Variants in STRA6 observed in about 807,000 individuals in gnomAD.
STRA6 encodes the protein receptor for retinol uptake STRA6.
Under a neutral mutation model 83.6 loss-of-function variants are expected in STRA6, and 48 were observed. That is an observed-to-expected ratio of 0.57 (90% CI 0.46 to 0.73). STRA6 has a LOEUF of 0.73. Ranked by LOEUF, STRA6 falls within the 30% of genes least tolerant of loss-of-function variation. The probability of loss-of-function intolerance (pLI) is 0.00; values close to 1 mark genes in which losing one functional copy is unlikely to be tolerated. For synonymous variants in STRA6, 353 were observed against 362.3 expected, an observed-to-expected ratio of 0.97 and a Z score of 0.29; for missense variants, 760 against 838.8, an observed-to-expected ratio of 0.91 and a Z score of 1.16.
chr15:74,209,478 A>T (rs2074335697), upstream of STRA6: 11 of 1,530,450 alleles, frequency 7.2e-6, no homozygotes, highest in African/African-American at 2.7e-5. Context: ...AGCTGGGCTG[A>T]GGGCCCTGAC....
At chr15:74,206,150 G>C (rs1198354975), upstream of STRA6, among the ~76,000 whole-genome samples, 1 of 152,198 alleles carries the variant, frequency 6.6e-6, no homozygotes, top group Non-Finnish European at 1.5e-5. Flanking sequence ...GTAACCAGTT[G>C]TAACAAGAAG....
chr15:74,186,957 C>T (rs1487255232), intron 12 of STRA6, among the ~76,000 whole-genome samples: 1 of 152,234 alleles, frequency 6.6e-6, no homozygotes, highest in African/African-American at 2.4e-5. Context: ...CTGCTGGTCC[C>T]TAGCTCCCTC....
chr15:74,191,299 GCCAGCC>G, intron 9 of STRA6, 56 bp from the exon 10 acceptor site: 1 of 1,609,004 alleles, frequency 6.2e-7, no homozygotes, highest in Non-Finnish European at 8.5e-7. Context: ...TTCCCTGAGG[GCCAGCC>G]CCAGAGGCTG....
chr15:74,191,291 C>T (rs749359124), intron 9 of STRA6, 48 bp from the exon 10 acceptor site: 3 of 1,611,774 alleles, frequency 1.9e-6, no homozygotes. Flanking sequence ...GAAGCCCATT[C>T]CCTGAGGGCC....
At chr15:74,184,111 A>G in intron 13 of STRA6, 122 bp from the exon 14 acceptor site, 3 of 1,441,866 alleles carry the variant, frequency 2.1e-6, no homozygotes, top group Non-Finnish European at 2.8e-6. Flanking sequence ...TCAGCAGGGA[A>G]GCCCAGAACT....
intron 14 of STRA6, chr15:74,182,894 GAAT>G (rs139993974): frequency 0.013 from 3,099 of 236,228 alleles, 84 homozygotes; most frequent in African/African-American, 0.065. Context: ...ACTGATTAGA[GAAT>G]GATGTCTACA....
chr15:74,194,916 C>A, intron 7 of STRA6: 1 of 1,423,934 alleles, frequency 7.0e-7, no homozygotes, highest in East Asian at 2.5e-5. Flanking sequence ...TAGACCATCC[C>A]TGACTTCGCA....
chr15:74,200,729 C>T (rs796416208), intron 2 of STRA6, among the ~76,000 whole-genome samples: 5 of 152,308 alleles, frequency 3.3e-5, no homozygotes, highest in African/African-American at 1.2e-4. Flanking sequence ...AAACAAATCT[C>T]TTTATTCTTA....
At chr15:74,183,290 A>C (rs2073080869) in intron 14 of STRA6, 1 of 185,536 alleles carries the variant, frequency 5.4e-6, no homozygotes, top group Admixed American at 5.3e-5. Context: ...CCCTTTCTTA[A>C]GCTGGAGCGC....
rs143576534 is a variant in STRA6, at chr15:74,188,326, C to T, written c.1090+789G>A. 1.5e-3 allele frequency among the ~76,000 whole-genome samples: 233 copies of T among 152,348 alleles called. 1 individual carries two copies. The highest frequency in any genetic ancestry group is 2.8e-3 in the Non-Finnish European group (191 of 68,028). ...TGACCACATGTTACTCCTCAGAAGC[C>T]GGGGGCCCATCCGTCCCAGCCTGGG... On this transcript the variant is annotated intron_variant, in intron 12 of 18. Coordinates refer to ENST00000395105, the MANE Select transcript of STRA6 (RefSeq NM_022369.4). The surrounding 1 kb of genome is among the most constrained non-coding windows in gnomAD (Gnocchi z 4.5).
intron 13 of STRA6, 57 bp from the exon 14 acceptor site, chr15:74,184,046 C>T: frequency 1.2e-6 from 2 of 1,604,384 alleles, no homozygotes; most frequent in South Asian, 2.2e-5. Context: ...CTTCCTAAAT[C>T]CTCCTCTGGG....
In STRA6 at chr15:74,202,713, CAGAA is replaced by C; in HGVS notation, c.-20_-17del. On this transcript the variant is annotated splice_region_variant and 5_prime_UTR_variant, in exon 1 of 19. Coordinates refer to ENST00000395105, the MANE Select transcript of STRA6 (RefSeq NM_022369.4). ...CACCTAGACAGACCCACAGACACAC[CAGAA>C]GGGAGGCCCAGGGAGGAAGGAGTTG... The C allele has an allele frequency of 7.8e-7, 1 of 1,274,224 alleles. No individual in the cohort carries two copies. Among genetic ancestry groups the C allele is most frequent in the Non-Finnish European group, 9.9e-7 (1 of 1,013,434 alleles). The allele number at this position is 1,274,224 out of a possible 1,614,324, so 78.9% of individuals were successfully genotyped here.
In STRA6 at chr15:74,182,327, G is replaced by T. The variant is rs1183230140; in HGVS notation, c.1418+16C>A. The T allele has an allele frequency of 6.2e-7, 1 of 1,614,022 alleles. No individual in the cohort carries two copies. The highest frequency in any genetic ancestry group is 1.7e-5 in the Admixed American group (1 of 60,022). On this transcript the variant is annotated intron_variant, in intron 15 of 18. Transcript: ENST00000395105. Reference sequence around the variant, plus strand: ...TCTAAGGAGTCCCTGAGCCCTCCATGTCTTGTTTCACTCACCACGAGGACT... The same window carrying T: ...TCTAAGGAGTCCCTGAGCCCTCCATTTCTTGTTTCACTCACCACGAGGACT...
At position 74,190,823 on chromosome 15, in the gene STRA6, C is replaced by T; in HGVS notation, c.927+17G>A. The T allele has an allele frequency of 6.2e-7, 1 of 1,614,018 alleles. No homozygotes were observed. The highest frequency in any genetic ancestry group is 1.1e-5 in the South Asian group (1 of 91,066). On this transcript the variant is annotated intron_variant, in intron 11 of 18. Transcript: ENST00000395105. ...AGGGCTCCAGAGGCAGATGGCAGTACAGGGTGAGGGACATACCTGGTAAAT... is the reference window on the plus strand; with the variant it reads ...AGGGCTCCAGAGGCAGATGGCAGTATAGGGTGAGGGACATACCTGGTAAAT...
intron 1 of STRA6, chr15:74,208,074 G>T (rs192575050): frequency 1.6e-6 from 2 of 1,239,728 alleles, no homozygotes; most frequent in Admixed American, 3.5e-5. Flanking sequence ...AGACCAGGCT[G>T]TTCTGGTATG....
intron 17 of STRA6, 65 bp from the exon 18 acceptor site, chr15:74,181,002 C>T (rs2072952646): frequency 6.3e-7 from 1 of 1,598,588 alleles, no homozygotes; most frequent in Non-Finnish European, 8.5e-7. Flanking sequence ...ATCCAGACAT[C>T]CCCTAACACA....
At chr15:74,194,931 C>A in intron 7 of STRA6, 2 of 1,424,122 alleles carry the variant, frequency 1.4e-6, no homozygotes, top group South Asian at 1.6e-5. Context: ...TTCGCACTTG[C>A]CGGCCTCCAT....
At chr15:74,206,946 C>T (rs893230771), upstream of STRA6, among the ~76,000 whole-genome samples, 1 of 152,208 alleles carries the variant, frequency 6.6e-6, no homozygotes, top group Non-Finnish European at 1.5e-5. Flanking sequence ...GGTGGCTAAG[C>T]CCTGCTCACT....
At chr15:74,197,660 G>T in intron 3 of STRA6, 92 bp downstream of exon 3, 1 of 1,512,478 alleles carries the variant, frequency 6.6e-7, no homozygotes, top group Non-Finnish European at 9.0e-7. Flanking sequence ...ATCTTCCAGG[G>T]CCCCCCTTCA....
Sources: allele counts gnomAD v4.1 joint callset (sites outside exome capture counted in the v4.1 genomes callset), GRCh38; gene constraint gnomAD v4.1.1; non-coding constraint Gnocchi (gnomAD v3.1); transcripts MANE v1.5; gene names NCBI Gene and HGNC (gene_info 2026-07-23, HGNC 2026-07-21).